Variants in ACACA observed in about 807,000 individuals in gnomAD.
ACACA encodes acetyl-CoA carboxylase 1.
ACACA carries 103 observed loss-of-function variants against 296.1 expected under a neutral mutation model. The observed-to-expected ratio is 0.35, with a 90% CI of 0.30 to 0.41. The LOEUF (loss-of-function observed/expected upper bound fraction) is 0.41. ACACA is among the 10% of genes least tolerant of loss of function. The pLI is 1.00. For synonymous variants in ACACA, 953 were observed against 1,038.6 expected (o/e 0.92, Z 1.58); for missense variants, 1,554 against 2,989.7 (o/e 0.52, Z 11.20).
chr17:37,280,462 C>T (rs2082460824), intron 5 of ACACA, among the ~76,000 whole-genome samples: 1 of 152,124 alleles, frequency 6.6e-6, no homozygotes. Flanking sequence ...CTGCCTTGGC[C>T]TCCCAAAGTG....
At chr17:37,225,300 ACT>A (rs2145710744) in intron 26 of ACACA, 195 bp from the exon 27 acceptor site, 1 of 550,214 alleles carries the variant, frequency 1.8e-6, no homozygotes, top group South Asian at 2.0e-5. Flanking sequence ...ATCTCAGTTG[ACT>A]CTCACCATGA....
intron 22 of ACACA, 143 bp downstream of exon 22, chr17:37,243,228 G>A (rs1221033258): frequency 7.2e-6 from 6 of 831,452 alleles, no homozygotes; most frequent in African/African-American, 3.4e-5. Context: ...TGTACCCTGA[G>A]GCAGTTTTGT....
At chr17:37,336,353 G>C (rs1036893410) in intron 2 of ACACA, among the ~76,000 whole-genome samples, 8 of 152,252 alleles carry the variant, frequency 5.3e-5, no homozygotes, top group African/African-American at 1.7e-4. Flanking sequence ...TGAGAGGGGG[G>C]ACTGAGAGAC....
At chr17:37,229,696 C>T (rs898638640) in intron 25 of ACACA, among the ~76,000 whole-genome samples, 1 of 151,998 alleles carries the variant, frequency 6.6e-6, no homozygotes, top group Non-Finnish European at 1.5e-5. Flanking sequence ...TATCTTTCCA[C>T]TATGAGAGAA....
chr17:37,270,994 G>T, intron 9 of ACACA, 133 bp from the exon 10 acceptor site: 1 of 697,876 alleles, frequency 1.4e-6, no homozygotes. Flanking sequence ...AGATCTTCAA[G>T]ATACACTATG....
At chr17:37,283,769 G>A (rs543034116) in intron 4 of ACACA, among the ~76,000 whole-genome samples, 1 of 152,316 alleles carries the variant, frequency 6.6e-6, no homozygotes, top group Non-Finnish European at 1.5e-5. Flanking sequence ...AGGCCAACCA[G>A]TGCAGTGCCA....
At chr17:37,087,521 CAT>C (rs1297540271) in intron 55 of ACACA, 82 bp from the exon 56 acceptor site, 125 of 1,527,824 alleles carry the variant, frequency 8.2e-5, no homozygotes, top group African/African-American at 3.1e-4. Context: ...GCCCAATAAA[CAT>C]GTGTGCACCG....
intron 1 of ACACA, among the ~76,000 whole-genome samples, chr17:37,403,942 G>A (rs1250601779): frequency 1.3e-5 from 2 of 151,968 alleles, no homozygotes; most frequent in African/African-American, 4.8e-5. Context: ...CCAGCTAATT[G>A]TTGCATTTTT....
chr17:37,324,254 T>C (rs1001637332), intron 3 of ACACA, among the ~76,000 whole-genome samples: 1 of 151,784 alleles, frequency 6.6e-6, no homozygotes, highest in African/African-American at 2.4e-5. Flanking sequence ...TAGTCCCAGC[T>C]ACTGGGGAGG....
Position 37,151,467 on chromosome 17 carries a change from C to T in ACACA, c.5448-46G>A, listed in dbSNP as rs769540173. 2.5e-6 allele frequency: 4 copies of T among 1,608,600 alleles called. No individual in the cohort carries two copies. The Admixed American group carries it at 6.7e-5, about 27-fold the overall frequency. The stretch of plus-strand genomic sequence containing the variant: ...AAATTATGAATGTTAAACACAGTAA[C>T]AACAAGCCATTAAAAGAATAATCAC... On this transcript the variant is annotated intron_variant, in intron 43 of 55. Transcript: ENST00000616317.
chr17:37,321,608 C>T (rs768647258), intron 3 of ACACA, among the ~76,000 whole-genome samples: 4 of 152,156 alleles, frequency 2.6e-5, no homozygotes, highest in East Asian at 3.9e-4. Context: ...ATTAGCCAGG[C>T]GTGGCGGCAT....
At chr17:37,100,594 A>G (rs1366828642) in intron 52 of ACACA, among the ~76,000 whole-genome samples, 2 of 150,808 alleles carry the variant, frequency 1.3e-5, no homozygotes, top group African/African-American at 4.9e-5. Flanking sequence ...ATGAATTTCA[A>G]TGTATGCTCA....
At chr17:37,373,964 A>G (rs1385095113) in intron 1 of ACACA, among the ~76,000 whole-genome samples, 1 of 152,220 alleles carries the variant, frequency 6.6e-6, no homozygotes, top group East Asian at 1.9e-4. Flanking sequence ...GGGGAGGATG[A>G]ATAAAGATTT....
At chr17:37,325,322 C>T (rs1056014081) in intron 3 of ACACA, among the ~76,000 whole-genome samples, 8 of 150,368 alleles carry the variant, frequency 5.3e-5, no homozygotes, top group South Asian at 2.1e-4. Context: ...GCCAAGATCG[C>T]GCCATTGCAC....
At chr17:37,388,619 T>C (rs2050653639) in intron 1 of ACACA, 2 of 1,573,130 alleles carry the variant, frequency 1.3e-6, no homozygotes, top group South Asian at 2.3e-5. Flanking sequence ...TCAATCTCTT[T>C]CCTCTCTCAA....
intron 2 of ACACA, among the ~76,000 whole-genome samples, chr17:37,333,298 T>C (rs2047969044): frequency 6.6e-6 from 1 of 151,952 alleles, no homozygotes; most frequent in Non-Finnish European, 1.5e-5. Context: ...TTCTAGGCTG[T>C]ACAGAAACCT....
chr17:37,118,536 AAC>A (rs1424627976), intron 50 of ACACA, among the ~76,000 whole-genome samples: 1 of 152,184 alleles, frequency 6.6e-6, no homozygotes, highest in African/African-American at 2.4e-5. Context: ...CTTTTTCAGG[AAC>A]CTTGACATTC....
At chr17:37,347,125 G>C (rs935039233) in intron 1 of ACACA, among the ~76,000 whole-genome samples, 1 of 152,074 alleles carries the variant, frequency 6.6e-6, no homozygotes, top group Non-Finnish European at 1.5e-5. Flanking sequence ...GAATCCTGGG[G>C]GTGGGTCTTT....
intron 3 of ACACA, among the ~76,000 whole-genome samples, chr17:37,309,054 C>G (rs1473973003): frequency 1.3e-5 from 2 of 152,160 alleles, no homozygotes; most frequent in Admixed American, 1.3e-4. Flanking sequence ...CAGTCTTGCT[C>G]TGTTGCCTAG....
Sources: gnomAD v4.1 joint callset for allele counts (sites outside exome capture counted in the v4.1 genomes callset) on GRCh38, gnomAD v4.1.1 for gene constraint, MANE v1.5 for transcripts, NCBI Gene and HGNC (gene_info 2026-07-23, HGNC 2026-07-21) for gene names.